PM20D1: variants seen among roughly 807,000 people sequenced by gnomAD.
The protein encoded by PM20D1 is N-fatty-acyl-amino acid synthase/hydrolase PM20D1.
A neutral mutation model predicts 53.8 loss-of-function variants in PM20D1; 53 were observed. That is an observed-to-expected ratio of 0.98 (90% CI 0.79 to 1.24). PM20D1 has a LOEUF of 1.24. Ranked by LOEUF, PM20D1 falls within the 50% of genes most tolerant of loss-of-function variation. The probability of loss-of-function intolerance (pLI) is 0.00; values close to 1 mark genes in which losing one functional copy is unlikely to be tolerated. For missense variants in PM20D1, 564 were observed against 616.8 expected, an observed-to-expected ratio of 0.91 and a Z score of 0.91; for synonymous variants, 239 against 241.3, an observed-to-expected ratio of 0.99 and a Z score of 0.09.
intron 6 of PM20D1, 104 bp downstream of exon 6, chr1:205,843,563 C>T (rs1656866975): frequency 1.3e-6 from 2 of 1,486,188 alleles, no homozygotes; most frequent in Non-Finnish European, 1.8e-6. Context: ...AGTTTCCCAG[C>T]CCAACTTTAG....
chr1:205,844,740 A>G lies in PM20D1; in HGVS notation c.576+71T>C, dbSNP rs567448676. 4.3e-6 allele frequency: 6 copies of G among 1,407,440 alleles called. No individual in the cohort carries two copies. The Middle Eastern group carries it at 7.3e-4, about 172-fold the overall frequency. 87.2% of individuals were successfully genotyped at this position (1,407,440 alleles called of 1,614,324 possible). ...GACCTTGCTGCTGTGGGCAAACTGG[A>G]CTAGGGTTAAGCACCCACTCCCCTA... On this transcript the variant is annotated intron_variant, in intron 4 of 12. Coordinates refer to ENST00000367136, the MANE Select transcript of PM20D1 (RefSeq NM_152491.5).
intron 2 of PM20D1, among the ~76,000 whole-genome samples, chr1:205,846,113 G>A (rs950742125): frequency 6.1e-5 from 9 of 147,738 alleles, no homozygotes; most frequent in African/African-American, 2.0e-4. Context: ...TCGGCCAGGC[G>A]TGGTGGCTCA....
At position 205,828,606 on chromosome 1, in the gene PM20D1, C is replaced by T. The variant is rs1656492357; in HGVS notation, c.*14G>A. On this transcript the variant is annotated 3_prime_UTR_variant, in exon 13 of 13. Transcript: ENST00000367136. ...CCGGGGTCGGGCATGCCTAACCCAG[C>T]AGGCCCCTTGACCTCACAGTTTGTG... 1 of 1,613,886 alleles carries T rather than the reference C, an allele frequency of 6.2e-7. No individual in the cohort carries two copies. Among genetic ancestry groups the T allele is most frequent in the Non-Finnish European group, 8.5e-7 (1 of 1,179,894 alleles).
Position 205,847,938 on chromosome 1 carries a change from G to A in PM20D1, c.203C>T (p.Ser68Phe). The A allele has an allele frequency of 1.9e-6, 3 of 1,598,274 alleles. No homozygotes were observed. The highest frequency in any genetic ancestry group is 1.7e-6 in the Non-Finnish European group (2 of 1,173,258). ...AIQIPTVTFS[S>F]EKSNTTALAE... is the part of the protein sequence containing the mutation. Reference sequence around the variant, plus strand: ...CAGGGCTGTAGTATTGGACTTCTCAGAGCTAAAAGTCACTGTTGGAATCTG... The same window carrying A: ...CAGGGCTGTAGTATTGGACTTCTCAAAGCTAAAAGTCACTGTTGGAATCTG... The change falls in exon 2 of 13, where the codon TCT becomes TTT. Residue 68 changes from serine to phenylalanine, a missense_variant. By Grantham distance (155) the Ser-to-Phe change is radical (BLOSUM62 -2). Transcript: ENST00000367136.
At chr1:205,832,570 C>G (rs1368793141) in intron 11 of PM20D1, 28 bp downstream of exon 11, 1 of 1,612,546 alleles carries the variant, frequency 6.2e-7, no homozygotes, top group Non-Finnish European at 8.5e-7. Flanking sequence ...CCCCTCCTCC[C>G]TCCAGCCACA....
chr1:205,829,239 G>GAAGA (rs1311444252), intron 12 of PM20D1, among the ~76,000 whole-genome samples: 1 of 152,044 alleles, frequency 6.6e-6, no homozygotes, highest in Non-Finnish European at 1.5e-5. Context: ...ATGTTGCCCA[G>GAAGA]GCTGGTCTCA....
intron 9 of PM20D1, among the ~76,000 whole-genome samples, chr1:205,840,808 A>G (rs1656789185): frequency 6.6e-6 from 1 of 152,208 alleles, no homozygotes; most frequent in Admixed American, 6.5e-5. Context: ...AGAAGAACAC[A>G]TACTCCTCAC....
At chr1:205,849,406 G>A (rs1419873447) in intron 1 of PM20D1, among the ~76,000 whole-genome samples, 1 of 152,008 alleles carries the variant, frequency 6.6e-6, no homozygotes, top group East Asian at 1.9e-4. Context: ...CAGCGAGTCC[G>A]ACAGGCACTA....
chr1:205,840,223 A>C, intron 10 of PM20D1, 29 bp downstream of exon 10: 4 of 1,593,094 alleles, frequency 2.5e-6, no homozygotes, highest in South Asian at 1.1e-5. Context: ...ATGCTGCATG[A>C]GTTGTTGTCT....
At chr1:205,845,629 T>C in intron 2 of PM20D1, 72 bp from the exon 3 acceptor site, 2 of 1,273,998 alleles carry the variant, frequency 1.6e-6, no homozygotes, top group African/African-American at 1.5e-5. Context: ...CAAGTTGTGC[T>C]TCCTGTTCCT....
intron 10 of PM20D1, among the ~76,000 whole-genome samples, chr1:205,836,261 G>A (rs1030089353): frequency 6.6e-6 from 1 of 152,108 alleles, no homozygotes; most frequent in African/African-American, 2.4e-5. Context: ...CTAAGTGAAC[G>A]GTACAGCTGT....
chr1:205,832,877 A>G (rs1208562466), intron 10 of PM20D1, 111 bp from the exon 11 acceptor site: 3 of 1,252,000 alleles, frequency 2.4e-6, no homozygotes, highest in Non-Finnish European at 3.2e-6. Context: ...CAGGGTTTAC[A>G]GACAGGACTT....
Position 205,850,127 on chromosome 1 carries a change from C to T in PM20D1, c.-55G>A. ...CCGGGGTAGTTCTGACCTAAACGCC[C>T]AGACTAGCGTTTCTTGGCCCTAGCT... On this transcript the variant is annotated 5_prime_UTR_variant, in exon 1 of 13. Coordinates refer to ENST00000367136, the MANE Select transcript of PM20D1 (RefSeq NM_152491.5). The T allele has an allele frequency of 6.4e-7, 1 of 1,559,598 alleles. No homozygotes were observed. The highest frequency in any genetic ancestry group is 8.7e-7 in the Non-Finnish European group (1 of 1,148,038).
intron 8 of PM20D1, 60 bp from the exon 9 acceptor site, chr1:205,841,949 G>T: frequency 6.9e-7 from 1 of 1,459,662 alleles, no homozygotes; most frequent in East Asian, 2.5e-5. Flanking sequence ...AGGAAAGGGC[G>T]GAAACATTAC....
intron 5 of PM20D1, 78 bp downstream of exon 5, chr1:205,844,009 C>G: frequency 6.5e-7 from 1 of 1,541,032 alleles, no homozygotes; most frequent in Non-Finnish European, 8.8e-7. Flanking sequence ...CTCAGCATGG[C>G]TCACAGATAC....
rs1401529568 is a variant in PM20D1 at position 205,828,510 on chromosome 1, C to T, written c.*110G>A. On this transcript the variant is annotated 3_prime_UTR_variant, in exon 13 of 13. Transcript: ENST00000367136. ...TTTAAGAGTGAGCAAGACAGATGGG[C>T]AATGTTTTACAATGTGGTTTTGATC... 13 of 1,433,920 alleles carry T rather than the reference C, an allele frequency of 9.1e-6. No individual in the cohort carries two copies. The highest frequency in any genetic ancestry group is 1.0e-5 in the Non-Finnish European group (11 of 1,063,168). 88.8% of individuals were successfully genotyped at this position (1,433,920 alleles called of 1,614,324 possible). A position where few individuals can be genotyped will look rare whatever the true frequency, so the allele number is the denominator to read the frequency against.
Position 205,830,279 on chromosome 1 carries a change from C to G in PM20D1, c.1385+1G>C, listed in dbSNP as rs751868754. ...CTGCTGCTCAAACCTGTTCCACTCA[C>G]CGTTTGAAGTCTTCAGGCTGTATGT... On this transcript the variant is annotated splice_donor_variant, in intron 12 of 12. Transcript: ENST00000367136. LOFTEE classifies it high-confidence loss of function. 6.3e-7 allele frequency: 1 copy of G among 1,584,572 alleles called. No homozygotes were observed. The highest frequency in any genetic ancestry group is 1.1e-5 in the South Asian group (1 of 90,434).
intron 3 of PM20D1, 54 bp downstream of exon 3, chr1:205,845,271 C>T (rs1378368640): frequency 2.6e-6 from 4 of 1,552,644 alleles, no homozygotes; most frequent in Non-Finnish European, 8.9e-7. Flanking sequence ...CCAAGCACCC[C>T]CATCCTGATT....
chr1:205,828,634 G>C lies in PM20D1; in HGVS notation c.1495C>G (p.Leu499Val). 6.2e-7 allele frequency: 1 copy of C among 1,614,184 alleles called. No homozygotes were observed. The highest frequency in any genetic ancestry group is 2.2e-5 in the East Asian group (1 of 44,888). Residue 499 changes from leucine (L) to valine (V), a missense_variant, in exon 13 of 13, where the codon CTG becomes GTG. Coordinates refer to ENST00000367136, the MANE Select transcript of PM20D1 (RefSeq NM_152491.5). Reference protein sequence around the residue: ...ADTDQEPVSHLHKL With the variant: ...ADTDQEPVSHVHKL ...GCCCCTTGACCTCACAGTTTGTGCA[G>C]GTGAGAAACTGGCTCCTGGTCTGTG...
Sources: gnomAD v4.1 joint callset for allele counts (sites outside exome capture counted in the v4.1 genomes callset) on GRCh38, gnomAD v4.1.1 for gene constraint, MANE v1.5 for transcripts, NCBI Gene and HGNC (gene_info 2026-07-23, HGNC 2026-07-21) for gene names.